The following MCCC1 variants were observed in gnomAD, a reference collection of about 807,000 sequenced individuals.
The protein encoded by MCCC1 is methylcrotonoyl-CoA carboxylase subunit alpha, mitochondrial.
In MCCC1, 64 loss-of-function variants were observed where a neutral mutation model predicts 83.8. The observed-to-expected ratio is 0.76, with a 90% CI of 0.62 to 0.94. The LOEUF (loss-of-function observed/expected upper bound fraction) is 0.94. Among genes scored for constraint, MCCC1 ranks in the 40% least tolerant of loss-of-function variants. The probability of loss-of-function intolerance (pLI) is 0.00; values close to 1 mark genes in which losing one functional copy is unlikely to be tolerated. For missense variants in MCCC1, 807 were observed against 904.7 expected (o/e 0.89, Z 1.39); for synonymous variants, 322 against 315.4 (o/e 1.02, Z -0.22).
intron 8 of MCCC1, among the ~76,000 whole-genome samples, chr3:183,055,664 G>C (rs1349436568): frequency 6.6e-6 from 1 of 152,076 alleles, no homozygotes; most frequent in African/African-American, 2.4e-5. Flanking sequence ...GGGAGGCTGA[G>C]GTTAAAGGAT....
rs536970583 is a variant in MCCC1, at chr3:183,015,491, T to C, written c.2125A>G (p.Thr709Ala). The change falls in exon 19 of 19, where the codon ACT (threonine) becomes GCT (alanine). Residue 709 changes from threonine to alanine, a missense_variant. Transcript: ENST00000265594. ...YREGAQANRH[T>A]PLVEFEEEES... Reference sequence around the variant, plus strand: ...TCCTCCTCAAACTCGACTAAAGGAGTGTGTCTGTTGGCCTGAGCACCTTCT... The same window carrying C: ...TCCTCCTCAAACTCGACTAAAGGAGCGTGTCTGTTGGCCTGAGCACCTTCT... 1.2e-6 allele frequency: 2 copies of C among 1,613,992 alleles called. No individual in the cohort carries two copies. The highest frequency in any genetic ancestry group is 2.2e-5 in the South Asian group (2 of 91,072).
intron 7 of MCCC1, among the ~76,000 whole-genome samples, chr3:183,060,742 A>C (rs1185328328): frequency 6.6e-6 from 1 of 152,036 alleles, no homozygotes; most frequent in Non-Finnish European, 1.5e-5. Context: ...ACCCCACGAC[A>C]GGCCCCGGTG....
intron 3 of MCCC1, chr3:183,090,933 G>C (rs1718279684): frequency 2.2e-6 from 1 of 455,736 alleles, no homozygotes; most frequent in East Asian, 7.0e-5. Flanking sequence ...CCAGAGCACT[G>C]ACCTTCGATG....
intron 11 of MCCC1, among the ~76,000 whole-genome samples, chr3:183,039,964 C>T (rs949294590): frequency 6.6e-6 from 1 of 151,608 alleles, no homozygotes; most frequent in Non-Finnish European, 1.5e-5. Flanking sequence ...GGCGTGGTGG[C>T]GGGTGCCTGT....
In MCCC1 at chr3:183,020,928, C is replaced by T. The variant is rs550478374; in HGVS notation, c.1870-691G>A. On this transcript the variant is annotated intron_variant, in intron 16 of 18. Coordinates refer to ENST00000265594, the MANE Select transcript of MCCC1 (RefSeq NM_020166.5). ...ACAAAAAATTAGCTGGGCATGGTGGCGGGCGCCTGCAGTCCCAGCTACTCG... is the reference window on the plus strand; with the variant it reads ...ACAAAAAATTAGCTGGGCATGGTGGTGGGCGCCTGCAGTCCCAGCTACTCG... Among the ~76,000 whole-genome samples the T allele has an allele frequency of 1.5e-4, 22 of 151,716 alleles. No homozygotes were observed. In the East Asian group the frequency reaches 2.0e-3, roughly 14 times the overall value.
intron 3 of MCCC1, chr3:183,090,907 CAAG>C (rs1718277163): frequency 4.5e-6 from 2 of 441,118 alleles, no homozygotes; most frequent in Non-Finnish European, 9.1e-6. Flanking sequence ...CTTAAAAAGA[CAAG>C]AAGAGAAGGG....
chr3:183,045,442 C>G lies in MCCC1; in HGVS notation c.1054G>C (p.Gly352Arg). The change falls in exon 10 of 19, where the codon GGA becomes CGA. Residue 352 changes from glycine (G) to arginine (R), a missense_variant. Coordinates refer to ENST00000265594, the MANE Select transcript of MCCC1 (RefSeq NM_020166.5). Reference sequence around the variant, plus strand: ...AGCTGCCACTCCACCAAGTCAGTTCCTGTGATCATCTCAGTAACAGGATGT... The same window carrying G: ...AGCTGCCACTCCACCAAGTCAGTTCGTGTGATCATCTCAGTAACAGGATGT... ...VEHPVTEMIT[G>R]TDLVEWQLRI... 9 of 1,614,154 alleles carry G rather than the reference C, an allele frequency of 5.6e-6. No individual in the cohort carries two copies. The highest frequency in any genetic ancestry group is 6.8e-6 in the Non-Finnish European group (8 of 1,180,014).
Position 183,080,137 on chromosome 3 carries a change from G to A in MCCC1, c.369+6556C>T, listed in dbSNP as rs182973142. 1.8e-4 allele frequency among the ~76,000 whole-genome samples: 28 copies of A among 152,270 alleles called. No homozygotes were observed. In the East Asian group the frequency reaches 5.0e-3, roughly 27 times the overall value. On this transcript the variant is annotated intron_variant, in intron 4 of 18. Coordinates refer to ENST00000265594, the MANE Select transcript of MCCC1 (RefSeq NM_020166.5). ...TTTCCCCATTGTCTTGGGGATTAACGTTGGGCTCCTTGTTACTTATGTAAA... is the reference window on the plus strand; with the variant it reads ...TTTCCCCATTGTCTTGGGGATTAACATTGGGCTCCTTGTTACTTATGTAAA...
At chr3:183,083,874 T>C (rs990093908) in intron 4 of MCCC1, among the ~76,000 whole-genome samples, 1 of 152,210 alleles carries the variant, frequency 6.6e-6, no homozygotes, top group African/African-American at 2.4e-5. Context: ...TTTTCCAAAA[T>C]GCAGGGCAAG....
intron 7 of MCCC1, among the ~76,000 whole-genome samples, chr3:183,069,921 T>C (rs1716527862): frequency 6.6e-6 from 1 of 152,242 alleles, no homozygotes; most frequent in African/African-American, 2.4e-5. Flanking sequence ...GGCTTAGATA[T>C]GAACTCTGGA....
chr3:183,027,199 G>A (rs1712681785), intron 14 of MCCC1, among the ~76,000 whole-genome samples: 1 of 152,166 alleles, frequency 6.6e-6, no homozygotes. Flanking sequence ...TATTGTGTGT[G>A]TTCTTACTGC....
chr3:183,020,953 G>A (rs545200148), intron 16 of MCCC1, among the ~76,000 whole-genome samples: 6 of 151,808 alleles, frequency 4.0e-5, no homozygotes, highest in East Asian at 2.0e-4. Context: ...CCAGCTACTC[G>A]GGAGGCTGAG....
At position 183,091,623 on chromosome 3, in the gene MCCC1, C is replaced by T. The variant is rs187661035; in HGVS notation, c.273+786G>A. Among the ~76,000 whole-genome samples, 20 of 152,090 alleles carry T rather than the reference C, an allele frequency of 1.3e-4. No individual in the cohort carries two copies. In the East Asian group the frequency reaches 3.7e-3, roughly 28 times the overall value. On this transcript the variant is annotated intron_variant, in intron 3 of 18. Coordinates refer to ENST00000265594, the MANE Select transcript of MCCC1 (RefSeq NM_020166.5). ...CAAAAAAAACTAGTAATAACTCACC[C>T]GTAACATTCACAAACTTCAGGGAGT...
intron 1 of MCCC1, 158 bp downstream of exon 1, chr3:183,099,194 G>A (rs1451248758): frequency 1.3e-6 from 1 of 765,710 alleles, no homozygotes. Context: ...TCCTCCCGAC[G>A]CCGTGACTGC....
At chr3:183,103,581 G>A (rs1181679359), upstream of MCCC1, among the ~76,000 whole-genome samples, 2 of 152,156 alleles carry the variant, frequency 1.3e-5, no homozygotes, top group African/African-American at 4.8e-5. Flanking sequence ...TAGACACAGG[G>A]TGCTGATTGG....
rs2108470472 is a variant in MCCC1 at position 183,037,277 on chromosome 3, G to A, written c.1535C>T (p.Ala512Val). 6.2e-7 allele frequency: 1 copy of A among 1,614,108 alleles called. No individual in the cohort carries two copies. Among genetic ancestry groups the A allele is most frequent in the Admixed American group, 1.7e-5 (1 of 60,024 alleles). ...AAAKESLCQAALGLILKEKAM... is the reference protein window; with the variant it reads ...AAAKESLCQAVLGLILKEKAM... Reference sequence around the variant, plus strand: ...TTTCTCCTTGAGGATGAGACCCAGGGCTGCCTGGCATAAAGACTCTTTGGC... The same window carrying A: ...TTTCTCCTTGAGGATGAGACCCAGGACTGCCTGGCATAAAGACTCTTTGGC... Residue 512 changes from alanine to valine, a missense_variant, in exon 13 of 19, where the codon GCC (alanine) becomes GTC (valine). By Grantham distance (64) the Ala-to-Val change is moderately conservative (BLOSUM62 0). Transcript: ENST00000265594.
intron 1 of MCCC1, 73 bp downstream of exon 1, chr3:183,099,279 T>G: frequency 6.6e-7 from 1 of 1,515,644 alleles, no homozygotes; most frequent in Non-Finnish European, 8.9e-7. Flanking sequence ...CCGCCGCACC[T>G]CCCACCGCTC....
At chr3:183,039,724 G>C (rs1346665674) in intron 11 of MCCC1, among the ~76,000 whole-genome samples, 4 of 152,160 alleles carry the variant, frequency 2.6e-5, no homozygotes, top group Non-Finnish European at 5.9e-5. Flanking sequence ...GATGTGGTGT[G>C]TTGAAAAGAA....
chr3:183,112,022 G>A (rs1719503274), intron 1 of MCCC1, among the ~76,000 whole-genome samples: 1 of 152,090 alleles, frequency 6.6e-6, no homozygotes, highest in South Asian at 2.1e-4. Context: ...AAATGGAAGT[G>A]CTCTGAGTCT....
Sources: allele counts gnomAD v4.1 joint callset (sites outside exome capture counted in the v4.1 genomes callset), GRCh38; gene constraint gnomAD v4.1.1; transcripts MANE v1.5; gene names NCBI Gene and HGNC (gene_info 2026-07-23, HGNC 2026-07-21).